ARHGAP28: variants seen among roughly 807,000 people sequenced by gnomAD.
The protein encoded by ARHGAP28 is Rho GTPase activating protein 28, also known as rho GTPase-activating protein 28.
ARHGAP28 carries 56 observed loss-of-function variants against 90.7 expected under a neutral mutation model. That is an observed-to-expected ratio of 0.62 (90% confidence interval 0.50 to 0.77). The LOEUF (loss-of-function observed/expected upper bound fraction) is 0.77, where lower values mean the gene tolerates loss of function less well. Among genes scored for constraint, ARHGAP28 ranks in the 30% least tolerant of loss-of-function variants. ARHGAP28 has a pLI of 0.00. For synonymous variants in ARHGAP28, 308 were observed against 323.3 expected (o/e 0.95, Z 0.51); for missense variants, 869 against 900.9 (o/e 0.96, Z 0.45).
intron 1 of ARHGAP28, among the ~76,000 whole-genome samples, chr18:6,787,575 T>C (rs2056375644): frequency 6.6e-6 from 1 of 152,216 alleles, no homozygotes; most frequent in Admixed American, 6.5e-5. Context: ...CGTTTTTATC[T>C]AAGACAATAT....
chr18:6,896,384 C>A, intron 15 of ARHGAP28, 118 bp from the exon 16 acceptor site: 2 of 1,164,896 alleles, frequency 1.7e-6, no homozygotes, highest in South Asian at 1.6e-5. Context: ...TAATGTTGAT[C>A]ATAGTGATGT....
At chr18:6,886,930 C>T (rs1332387590) in intron 11 of ARHGAP28, among the ~76,000 whole-genome samples, 2 of 152,120 alleles carry the variant, frequency 1.3e-5, no homozygotes, top group Admixed American at 6.5e-5. Context: ...TTCTGAGGAT[C>T]TCGTTGGCCA....
chr18:6,813,868 G>A (rs552723134), intron 1 of ARHGAP28, among the ~76,000 whole-genome samples: 4 of 152,122 alleles, frequency 2.6e-5, no homozygotes, highest in East Asian at 1.9e-4. Flanking sequence ...CTGAAATTCC[G>A]TCTCAATCAG....
intron 1 of ARHGAP28, among the ~76,000 whole-genome samples, chr18:6,742,227 T>A (rs1247932312): frequency 1.3e-5 from 2 of 150,510 alleles, no homozygotes; most frequent in South Asian, 4.2e-4. Context: ...AGTTCAGTGG[T>A]GTGATCTTGG....
At chr18:6,850,717 T>G in intron 3 of ARHGAP28, 1 of 1,106,550 alleles carries the variant, frequency 9.0e-7, no homozygotes, top group Non-Finnish European at 1.3e-6. Flanking sequence ...CTCAGTCTTT[T>G]TAGTTAGAAC....
At chr18:6,867,191 G>A (rs2057044134) in intron 5 of ARHGAP28, among the ~76,000 whole-genome samples, 1 of 152,058 alleles carries the variant, frequency 6.6e-6, no homozygotes, top group Non-Finnish European at 1.5e-5. Flanking sequence ...AAATAAAATA[G>A]GAATAAAAGG....
At chr18:6,893,280 T>C (rs1244602370) in intron 14 of ARHGAP28, among the ~76,000 whole-genome samples, 1 of 152,132 alleles carries the variant, frequency 6.6e-6, no homozygotes, top group East Asian at 1.9e-4. Context: ...TCCATTCTGC[T>C]CCCTGCCAGT....
chr18:6,837,259 G>A lies in ARHGAP28; in HGVS notation c.388G>A (p.Glu130Lys), dbSNP rs1260662049. ...TTTATCAACTCTGATCTCAGGTGAT[G>A]AAGAGGAAGATGGCAAAGCCTTGCT... is the stretch of plus-strand genomic sequence containing the variant. The part of the protein sequence containing the change: ...VGLSTLISGD[E>K]EEDGKALLST... Residue 130 changes from glutamate (E) to lysine (K), a missense_variant, in exon 3 of 18, where the codon GAA becomes AAA. Transcript: ENST00000383472. 6.2e-7 allele frequency: 1 copy of A among 1,600,322 alleles called. No individual in the cohort carries two copies. Among genetic ancestry groups the A allele is most frequent in the South Asian group, 1.1e-5 (1 of 89,070 alleles).
chr18:6,907,394 GAAA>G (rs201812761), intron 16 of ARHGAP28, among the ~76,000 whole-genome samples: 1 of 136,878 alleles, frequency 7.3e-6, no homozygotes, highest in African/African-American at 2.7e-5. Flanking sequence ...TCAAAAACTG[GAAA>G]AAAAAAAAAA....
At chr18:6,854,937 C>CA (rs1333500017) in intron 4 of ARHGAP28, among the ~76,000 whole-genome samples, 1 of 152,204 alleles carries the variant, frequency 6.6e-6, no homozygotes, top group African/African-American at 2.4e-5. Flanking sequence ...TGCAACCCCC[C>CA]ACGGTGTGCA....
intron 4 of ARHGAP28, 37 bp from the exon 5 acceptor site, chr18:6,859,771 G>T (rs1239398926): frequency 6.3e-6 from 10 of 1,583,244 alleles, no homozygotes; most frequent in Admixed American, 1.7e-5. Context: ...GAAAGTATTT[G>T]CCTGAATAAG....
chr18:6,809,086 A>C (rs1023875382), intron 1 of ARHGAP28, among the ~76,000 whole-genome samples: 1 of 152,176 alleles, frequency 6.6e-6, no homozygotes, highest in African/African-American at 2.4e-5. Flanking sequence ...AACTCCTTCC[A>C]TGTGCTCTAT....
Position 6,729,943 on chromosome 18 carries a change from G to A in ARHGAP28, c.122G>A (p.Arg41Lys). ...GCCGCAGCCAGCCACCCGCTCAGCA[G>A]GTACCCGGAGCCGCTCCCACCAGGG... Reference protein sequence around the residue: ...PRAAASHPLSRKSIPRCRRIN... With the variant: ...PRAAASHPLSKKSIPRCRRIN... Residue 41 changes from arginine (R) to lysine (K), a missense_variant and splice_region_variant, in exon 1 of 18, where the codon AGA becomes AAA. Transcript: ENST00000383472. The A allele has an allele frequency of 1.5e-6, 2 of 1,370,632 alleles. No homozygotes were observed. Among genetic ancestry groups the A allele is most frequent in the Non-Finnish European group, 1.9e-6 (2 of 1,066,564 alleles). 84.9% of individuals were successfully genotyped at this position (1,370,632 alleles called of 1,614,324 possible).
chr18:6,753,166 G>T (rs117227669), intron 1 of ARHGAP28, among the ~76,000 whole-genome samples: 1 of 152,034 alleles, frequency 6.6e-6, no homozygotes, highest in South Asian at 2.1e-4. Flanking sequence ...TGGTACCAAT[G>T]GATTTATTTT....
At chr18:6,839,525 C>T (rs1036090317) in intron 3 of ARHGAP28, among the ~76,000 whole-genome samples, 2 of 152,094 alleles carry the variant, frequency 1.3e-5, no homozygotes, top group Non-Finnish European at 2.9e-5. Flanking sequence ...TCTCGATTTC[C>T]TGACCTCGTG....
intron 1 of ARHGAP28, among the ~76,000 whole-genome samples, chr18:6,769,983 G>C (rs1207267248): frequency 6.6e-6 from 1 of 152,128 alleles, no homozygotes; most frequent in Non-Finnish European, 1.5e-5. Context: ...TCCTTTCAAG[G>C]TAACTTCGTC....
chr18:6,778,934 T>A (rs1323064495), intron 1 of ARHGAP28: 1 of 152,210 alleles, frequency 6.6e-6, no homozygotes. Flanking sequence ...TATTCCTCCC[T>A]TCATCTTACA....
At chr18:6,875,835 AAG>A (rs2057126790) in intron 9 of ARHGAP28, among the ~76,000 whole-genome samples, 2 of 152,210 alleles carry the variant, frequency 1.3e-5, no homozygotes, top group Non-Finnish European at 2.9e-5. Context: ...AAAAATGGTT[AAG>A]AGGCATGTAT....
At chr18:6,895,196 T>C (rs1190857889) in intron 15 of ARHGAP28, among the ~76,000 whole-genome samples, 1 of 152,078 alleles carries the variant, frequency 6.6e-6, no homozygotes, top group Non-Finnish European at 1.5e-5. Context: ...GGGAGCTGGA[T>C]GAAATAAGAC....
Sources: gnomAD v4.1 joint callset for allele counts (sites outside exome capture counted in the v4.1 genomes callset) on GRCh38, gnomAD v4.1.1 for gene constraint, MANE v1.5 for transcripts, NCBI Gene and HGNC (gene_info 2026-07-23, HGNC 2026-07-21) for gene names.